Variants in MIA3 observed in about 807,000 individuals in gnomAD.
The protein encoded by MIA3 is MIA SH3 domain ER export factor 3.
In MIA3, 90 loss-of-function variants were observed where a neutral mutation model predicts 192.4. That is an observed-to-expected ratio of 0.47 (90% CI 0.39 to 0.56). MIA3 has a LOEUF of 0.56. Among genes scored for constraint, MIA3 ranks in the 20% least tolerant of loss-of-function variants. MIA3 has a pLI of 0.00. For synonymous variants in MIA3, 740 were observed against 792.8 expected (o/e 0.93, Z 1.12); for missense variants, 2,123 against 2,269.4 (o/e 0.94, Z 1.31).
chr1:222,618,457 C>T (rs948265947), intron 1 of MIA3, among the ~76,000 whole-genome samples: 1 of 152,172 alleles, frequency 6.6e-6, no homozygotes, highest in Non-Finnish European at 1.5e-5. Flanking sequence ...TGCCTGCGCC[C>T]GGCCCCTCGG....
Position 222,660,187 on chromosome 1 carries a change from C to G in MIA3, c.4986C>G (p.Ser1662Arg). Residue 1662 changes from serine to arginine, a missense_variant, in exon 24 of 28, where the codon AGC (serine) becomes AGG (arginine). Around this residue, in one of 3 missense-constraint regions of MIA3, gnomAD observed 762 missense variants for 856.4 expected, o/e 0.89. Transcript: ENST00000344922. ...TQNPPRRGPL[S>R]QNGSFGPSPV... ...TGCTGTCATCTTTAGGTCCTCTGAG[C>G]CAGAATGGCTCTTTTGGCCCATCCC... The G allele has an allele frequency of 6.2e-7, 1 of 1,611,850 alleles. No homozygotes were observed. The highest frequency in any genetic ancestry group is 2.2e-5 in the East Asian group (1 of 44,880).
At chr1:222,640,794 A>G (rs1310987459) in intron 6 of MIA3, among the ~76,000 whole-genome samples, 1 of 152,194 alleles carries the variant, frequency 6.6e-6, no homozygotes, top group Non-Finnish European at 1.5e-5. Context: ...TTCAAAACAC[A>G]CTGTTATACA....
chr1:222,651,433 G>A (rs1045998124), intron 11 of MIA3, among the ~76,000 whole-genome samples: 2 of 149,240 alleles, frequency 1.3e-5, no homozygotes, highest in African/African-American at 2.5e-5. Flanking sequence ...AGTTACTATC[G>A]CAGCCCACAG....
At chr1:222,641,951 T>C in intron 6 of MIA3, 1 of 367,690 alleles carries the variant, frequency 2.7e-6, no homozygotes, top group Non-Finnish European at 5.3e-6. Context: ...TACAATGAAA[T>C]GCTACTCAGC....
chr1:222,650,516 T>G, intron 9 of MIA3, 118 bp from the exon 10 acceptor site: 1 of 872,432 alleles, frequency 1.1e-6, no homozygotes, highest in Non-Finnish European at 1.8e-6. Context: ...CATCCAGATC[T>G]TAAGCAGTCA....
intron 20 of MIA3, 38 bp downstream of exon 20, chr1:222,659,551 T>C (rs1254708745): frequency 1.2e-6 from 2 of 1,611,536 alleles, no homozygotes; most frequent in Non-Finnish European, 1.7e-6. Context: ...GTGCCCGGAA[T>C]TCTTTGATAA....
At chr1:222,657,865 T>G (rs982546333) in intron 18 of MIA3, among the ~76,000 whole-genome samples, 1 of 152,274 alleles carries the variant, frequency 6.6e-6, no homozygotes, top group Non-Finnish European at 1.5e-5. Context: ...CTTTTTTCTC[T>G]TTGGTGTTAA....
chr1:222,663,594 G>A (rs1043177445), intron 26 of MIA3, among the ~76,000 whole-genome samples: 1 of 152,176 alleles, frequency 6.6e-6, no homozygotes, highest in African/African-American at 2.4e-5. Context: ...TTACATGGTA[G>A]AGAATGGATT....
Position 222,666,303 on chromosome 1 carries a change from C to CAAAG in MIA3, c.*687_*690dup, listed in dbSNP as rs1169343856. On this transcript the variant is annotated 3_prime_UTR_variant, in exon 28 of 28. Coordinates refer to ENST00000344922, the MANE Select transcript of MIA3 (RefSeq NM_198551.4). The stretch of plus-strand genomic sequence containing the variant: ...CTCTACAAGTGACGTCTTTTTATTT[C>CAAAG]AAAGAAGTTTATTTCCCACTTGTAT... The CAAAG allele has an allele frequency of 6.6e-5, 10 of 152,148 alleles. No individual in the cohort carries two copies. The allele number at this position is 152,148 out of a possible 1,614,324, so 9.4% of individuals were successfully genotyped here.
chr1:222,641,740 T>C, intron 6 of MIA3: 1 of 559,006 alleles, frequency 1.8e-6, no homozygotes, highest in Non-Finnish European at 3.6e-6. Flanking sequence ...GGCTTCTACA[T>C]ACTTGGTCTG....
At chr1:222,660,819 T>C (rs1340571274) in intron 24 of MIA3, 1 of 152,468 alleles carries the variant, frequency 6.6e-6, no homozygotes, top group Non-Finnish European at 1.5e-5. Flanking sequence ...TTATAAACTA[T>C]TGGAAAATAT....
chr1:222,636,506 C>CTTTTTTTTTTTTTTTTTTTTTTTTTT (rs34208115), intron 6 of MIA3, among the ~76,000 whole-genome samples: 1 of 74,038 alleles, frequency 1.4e-5, no homozygotes, highest in Non-Finnish European at 2.8e-5. Flanking sequence ...TAGTGTCCAT[C>CTTTTTTTTTTTTTTTTTTTTTTTTTT]TTTTTTTTTT....
chr1:222,628,563 A>G lies in MIA3; in HGVS notation c.1343A>G (p.Asp448Gly). ...GTAGATGATGGTCTTTTTATTGTAG[A>G]CATTCCTAAAACAAATAATGACAAA... ...DNVDDGLFIVDIPKTNNDKEV... is the reference protein window; with the variant it reads ...DNVDDGLFIVGIPKTNNDKEV... The change falls in exon 4 of 28, where the codon GAC becomes GGC. Residue 448 changes from aspartate to glycine, a missense_variant. By Grantham distance (94) the Asp-to-Gly change is moderately conservative (BLOSUM62 -1). Coordinates refer to ENST00000344922, the MANE Select transcript of MIA3 (RefSeq NM_198551.4). The G allele has an allele frequency of 1.9e-6, 3 of 1,614,178 alleles. No individual in the cohort carries two copies. The highest frequency in any genetic ancestry group is 2.5e-6 in the Non-Finnish European group (3 of 1,180,026).
intron 1 of MIA3, among the ~76,000 whole-genome samples, chr1:222,620,340 C>T (rs942314697): frequency 6.6e-6 from 1 of 152,186 alleles, no homozygotes; most frequent in Non-Finnish European, 1.5e-5. Context: ...CTAGATCAAG[C>T]GTGATTGAAT....
intron 2 of MIA3, among the ~76,000 whole-genome samples, chr1:222,623,282 G>GT (rs1191727480): frequency 2.8e-3 from 376 of 133,078 alleles, no homozygotes; most frequent in African/African-American, 4.6e-3. Flanking sequence ...TTTTTTTTTT[G>GT]TTTTTTTTTT....
intron 8 of MIA3, chr1:222,649,402 ACC>A (rs1234651305): frequency 6.6e-6 from 1 of 152,390 alleles, no homozygotes; most frequent in Non-Finnish European, 1.5e-5. Context: ...TTAAATTCTA[ACC>A]GTATTTTTAC....
At chr1:222,657,503 A>G (rs1571905696) in intron 18 of MIA3, among the ~76,000 whole-genome samples, 1 of 152,100 alleles carries the variant, frequency 6.6e-6, no homozygotes, top group Admixed American at 6.5e-5. Flanking sequence ...GATTTTCTTC[A>G]CTGCCTTATT....
In MIA3 at chr1:222,665,304, TCCAGGCCCTGG is replaced by T. The variant is rs770112272; in HGVS notation, c.5414-4_5420del. ...AATTTACTGGAAATAATTTTTGTTT[TCCAGGCCCTGG>T]TATGCGTCCACCACTAGGCTTAAGA... On this transcript the variant is annotated splice_acceptor_variant and splice_polypyrimidine_tract_variant and coding_sequence_variant and intron_variant, in exon 28 of 28. Transcript: ENST00000344922. LOFTEE classifies it high-confidence loss of function. 6.3e-6 allele frequency: 10 copies of T among 1,576,042 alleles called. No homozygotes were observed. The Admixed American group carries it at 2.0e-4, about 31-fold the overall frequency.
chr1:222,662,230 A>G (rs774399382), intron 25 of MIA3, 23 bp from the exon 26 acceptor site: 20 of 1,609,534 alleles, frequency 1.2e-5, no homozygotes, highest in Non-Finnish European at 1.6e-5. Flanking sequence ...ATAAGTCTAC[A>G]TCAGTTCTCT....
Sources: allele counts gnomAD v4.1 joint callset (sites outside exome capture counted in the v4.1 genomes callset), GRCh38; gene constraint gnomAD v4.1.1; regional missense constraint gnomAD v4.1.1; transcripts MANE v1.5; gene names NCBI Gene and HGNC (gene_info 2026-07-23, HGNC 2026-07-21).